Variants in BIN2 observed in about 807,000 individuals in gnomAD.
BIN2 encodes bridging integrator 2.
Under a neutral mutation model 67.9 loss-of-function variants are expected in BIN2, and 43 were observed. That is an observed-to-expected ratio of 0.63 (90% CI 0.50 to 0.82). BIN2 has a LOEUF of 0.82. Among genes scored for constraint, BIN2 ranks in the 40% least tolerant of loss-of-function variants. The pLI is 0.00. For synonymous variants in BIN2, 244 were observed against 246.8 expected (o/e 0.99, Z 0.11); for missense variants, 581 against 671.6 (o/e 0.87, Z 1.49).
At chr12:51,288,079 A>G (rs1408792206) in intron 11 of BIN2, 29 bp downstream of exon 11, 2 of 1,494,656 alleles carry the variant, frequency 1.3e-6, no homozygotes. Context: ...ATAGGGCATC[A>G]TCATGTAGAT....
intron 1 of BIN2, among the ~76,000 whole-genome samples, chr12:51,319,716 T>C (rs2137448293): frequency 6.6e-6 from 1 of 152,294 alleles, no homozygotes; most frequent in East Asian, 1.9e-4. Context: ...TCATTGATTA[T>C]TTATAACTTT....
At position 51,324,082 on chromosome 12, in the gene BIN2, G is replaced by A; in HGVS notation, c.21C>T (p.Gly7=). 1.2e-6 allele frequency: 2 copies of A among 1,613,376 alleles called. No homozygotes were observed. Among genetic ancestry groups the A allele is most frequent in the Admixed American group, 1.7e-5 (1 of 59,998 alleles). ...GCTTGGCGAAGAGGCCGGCCGCGCC[G>A]CCTGCCTTGCCCTCTGCCATCCTGC... MAEGKA[G]GAAGLFAKQV... Residue 7 remains glycine, a synonymous_variant, in exon 1 of 13, where the codon GGC becomes GGT. Coordinates refer to ENST00000615107, the MANE Select transcript of BIN2 (RefSeq NM_016293.4).
At position 51,292,252 on chromosome 12, in the gene BIN2, G is replaced by A; in HGVS notation, c.854C>T (p.Ser285Phe). ...LTSPTSPSTLSLKSESESVSA... is the reference protein window; with the variant it reads ...LTSPTSPSTLFLKSESESVSA... ...GACAGATTCACTCTCACTCTTCAAGGAAAGTGTAGAGGGACTAGTAGGTGA... is the reference window on the plus strand; with the variant it reads ...GACAGATTCACTCTCACTCTTCAAGAAAAGTGTAGAGGGACTAGTAGGTGA... Residue 285 changes from serine to phenylalanine, a missense_variant, in exon 10 of 13, where the codon TCC (serine) becomes TTC (phenylalanine). Transcript: ENST00000615107. 6.2e-7 allele frequency: 1 copy of A among 1,604,516 alleles called. No homozygotes were observed. Among genetic ancestry groups the A allele is most frequent in the Non-Finnish European group, 8.5e-7 (1 of 1,179,950 alleles).
At chr12:51,294,447 A>G (rs553638943) in intron 9 of BIN2, among the ~76,000 whole-genome samples, 5 of 151,930 alleles carry the variant, frequency 3.3e-5, no homozygotes, top group African/African-American at 4.8e-5. Flanking sequence ...TGTGCCTGTA[A>G]TCCCAGCTAC....
intron 12 of BIN2, among the ~76,000 whole-genome samples, chr12:51,282,479 T>G (rs1794302956): frequency 1.3e-5 from 2 of 152,122 alleles, no homozygotes; most frequent in Non-Finnish European, 1.5e-5. Context: ...AAACTTACAG[T>G]GCTGCCAGTT....
rs564326405 is a variant in BIN2 at position 51,315,019 on chromosome 12, A to G, written c.82-1116T>C. On this transcript the variant is annotated intron_variant, in intron 1 of 12. Transcript: ENST00000615107. The stretch of plus-strand genomic sequence containing the variant: ...CATGCTCACACCACCACACCTCACT[A>G]ATTTTTAAAAATTTTCTGTAGAGAC... Among the ~76,000 whole-genome samples the G allele has an allele frequency of 5.9e-5, 9 of 151,590 alleles. No homozygotes were observed. The South Asian group carries it at 1.5e-3, about 25-fold the overall frequency.
Position 51,284,882 on chromosome 12 carries a change from C to T in BIN2, c.1597-95G>A, listed in dbSNP as rs370435296. The T allele has an allele frequency of 2.3e-5, 21 of 932,796 alleles. No individual in the cohort carries two copies. The Admixed American group carries it at 3.4e-4, about 15-fold the overall frequency. 57.8% of individuals were successfully genotyped at this position (932,796 alleles called of 1,614,324 possible). On this transcript the variant is annotated intron_variant, in intron 11 of 12. Transcript: ENST00000615107. ...TCTGTGCCTTATACTTTACAAGGGT[C>T]TCAGTATTTGTACTATTACAAAGGG...
At chr12:51,319,873 G>C (rs1946221890) in intron 1 of BIN2, among the ~76,000 whole-genome samples, 1 of 152,014 alleles carries the variant, frequency 6.6e-6, no homozygotes, top group African/African-American at 2.4e-5. Flanking sequence ...TTTGCATAGG[G>C]CCTGGATATT....
chr12:51,321,152 G>T (rs1264335697), intron 1 of BIN2, among the ~76,000 whole-genome samples: 1 of 152,122 alleles, frequency 6.6e-6, no homozygotes, highest in East Asian at 1.9e-4. Flanking sequence ...GGATCAGCAG[G>T]AAGTGGGGGA....
chr12:51,314,540 T>C (rs4762035), intron 1 of BIN2, among the ~76,000 whole-genome samples: 80,452 of 151,764 alleles, frequency 0.53, 21,463 homozygotes, highest in Non-Finnish European at 0.56. Context: ...TGGCTCACAC[T>C]TGTAATCCCA....
intron 11 of BIN2, among the ~76,000 whole-genome samples, chr12:51,285,153 C>A (rs1945204585): frequency 6.6e-6 from 1 of 152,040 alleles, no homozygotes; most frequent in African/African-American, 2.4e-5. Context: ...TTAGATGAAC[C>A]GTCCTCAAGA....
At chr12:51,287,929 G>A (rs567029481) in intron 11 of BIN2, among the ~76,000 whole-genome samples, 179 bp downstream of exon 11, 74 of 152,316 alleles carry the variant, frequency 4.9e-4, no homozygotes, top group Non-Finnish European at 8.7e-4. Flanking sequence ...GGGATTACAG[G>A]CATGAGCCAC....
At chr12:51,313,972 A>C in intron 1 of BIN2, 69 bp from the exon 2 acceptor site, 1 of 1,185,108 alleles carries the variant, frequency 8.4e-7, no homozygotes, top group Admixed American at 1.8e-5. Flanking sequence ...GCCTCATATG[A>C]CCCTGGCTTC....
At chr12:51,304,439 T>G (rs1043802619) in intron 2 of BIN2, among the ~76,000 whole-genome samples, 7 of 152,170 alleles carry the variant, frequency 4.6e-5, no homozygotes, top group African/African-American at 1.7e-4. Flanking sequence ...CTCCTTCCTA[T>G]GTGTAAACTC....
At chr12:51,305,672 A>G (rs1395107168) in intron 2 of BIN2, among the ~76,000 whole-genome samples, 1 of 151,826 alleles carries the variant, frequency 6.6e-6, no homozygotes, top group African/African-American at 2.4e-5. Flanking sequence ...AATTCTATCT[A>G]GTGACAAAAT....
intron 8 of BIN2, among the ~76,000 whole-genome samples, chr12:51,296,323 T>C (rs927519723): frequency 1.2e-4 from 18 of 151,874 alleles, no homozygotes; most frequent in Admixed American, 7.9e-4. Flanking sequence ...GGTGAAACCC[T>C]GTCTCTACTA....
At chr12:51,302,835 A>G in intron 3 of BIN2, 55 bp from the exon 4 acceptor site, 4 of 1,453,430 alleles carry the variant, frequency 2.8e-6, no homozygotes, top group Non-Finnish European at 3.9e-6. Context: ...TAGTTGGTGT[A>G]ATCACATGGG....
intron 5 of BIN2, among the ~76,000 whole-genome samples, chr12:51,301,285 C>T (rs1163440132): frequency 6.6e-6 from 1 of 152,050 alleles, no homozygotes; most frequent in Non-Finnish European, 1.5e-5. Flanking sequence ...TCTAATTCTG[C>T]TTTCTGGAAC....
At chr12:51,287,739 C>A (rs1945273506) in intron 11 of BIN2, among the ~76,000 whole-genome samples, 1 of 151,804 alleles carries the variant, frequency 6.6e-6, no homozygotes, top group Admixed American at 6.6e-5. Context: ...GCAAGCTCCA[C>A]CTCCCGGGTT....
Sources: gnomAD v4.1 joint callset for allele counts (sites outside exome capture counted in the v4.1 genomes callset) on GRCh38, gnomAD v4.1.1 for gene constraint, MANE v1.5 for transcripts, NCBI Gene and HGNC (gene_info 2026-07-23, HGNC 2026-07-21) for gene names.